The following MED12L variants were observed in gnomAD, a reference collection of about 807,000 sequenced individuals.
The protein encoded by MED12L is mediator complex subunit 12L, also known as mediator of RNA polymerase II transcription subunit 12-like protein.
Under a neutral mutation model 281.3 loss-of-function variants are expected in MED12L, and 60 were observed. The ratio of observed to expected loss-of-function variants is 0.21; its 90% confidence interval spans 0.17 to 0.26. MED12L has a LOEUF of 0.26. Ranked by LOEUF, MED12L falls within the 10% of genes least tolerant of loss-of-function variation. The pLI is 1.00. For missense variants in MED12L, 2,146 were observed against 2,680.9 expected (o/e 0.80, Z 4.41); for synonymous variants, 974 against 987.2 (o/e 0.99, Z 0.25).
intron 7 of MED12L, among the ~76,000 whole-genome samples, chr3:151,159,407 G>T (rs1455331837): frequency 6.6e-6 from 1 of 152,170 alleles, no homozygotes; most frequent in Non-Finnish European, 1.5e-5. Context: ...GAGATAGTCT[G>T]TACCTGCACT....
At chr3:151,380,597 CAAAAAAAAAA>C (rs56792030) in intron 32 of MED12L, among the ~76,000 whole-genome samples, 2 of 113,284 alleles carry the variant, frequency 1.8e-5, no homozygotes, top group Non-Finnish European at 3.7e-5. Flanking sequence ...AACTCTGTCT[CAAAAAAAAAA>C]AAAAAAAACA....
At chr3:151,356,693 A>C (rs1026194558) in intron 19 of MED12L, among the ~76,000 whole-genome samples, 1 of 151,930 alleles carries the variant, frequency 6.6e-6, no homozygotes, top group African/African-American at 2.4e-5. Flanking sequence ...ATGAAAGTTT[A>C]TTTGCTCTTT....
At chr3:151,309,244 T>A (rs974661936) in intron 16 of MED12L, among the ~76,000 whole-genome samples, 4 of 152,176 alleles carry the variant, frequency 2.6e-5, no homozygotes, top group Admixed American at 1.3e-4. Flanking sequence ...CTTAAACTAA[T>A]AGGAATATTT....
intron 16 of MED12L, chr3:151,214,293 C>T: frequency 6.2e-7 from 1 of 1,613,552 alleles, no homozygotes; most frequent in Non-Finnish European, 8.5e-7. Context: ...CATCTGGAGG[C>T]TGTGTGGAGG....
chr3:151,193,613 A>G lies in MED12L; in HGVS notation c.2197A>G (p.Asn733Asp). 2 of 1,614,110 alleles carry G rather than the reference A, an allele frequency of 1.2e-6. No homozygotes were observed. Among genetic ancestry groups the G allele is most frequent in the Non-Finnish European group, 1.7e-6 (2 of 1,179,962 alleles). The change falls in exon 16 of 45, where the codon AAT becomes GAT. Residue 733 changes from asparagine (N) to aspartate (D), a missense_variant. By Grantham distance (23) the Asn-to-Asp change is conservative. Transcript: ENST00000687756. ...GCCAAGGGAATTAATTTTTCCATCT[A>G]ATTATGACCTCCTTCGCCACTTACA... ...EKPRELIFPS[N>D]YDLLRHLQYA...
chr3:151,243,145 G>A (rs1437272986), intron 16 of MED12L, among the ~76,000 whole-genome samples: 2 of 152,084 alleles, frequency 1.3e-5, no homozygotes, highest in Non-Finnish European at 2.9e-5. Flanking sequence ...TCTGCTTGGT[G>A]TACCTGAAAG....
At chr3:151,414,547 G>A (rs193160700) in intron 42 of MED12L, among the ~76,000 whole-genome samples, 40 of 152,298 alleles carry the variant, frequency 2.6e-4, no homozygotes, top group South Asian at 1.2e-3. Flanking sequence ...GCTCCGGTGG[G>A]TTTGAGTCTG....
intron 32 of MED12L, 59 bp downstream of exon 32, chr3:151,380,283 T>G: frequency 5.0e-6 from 6 of 1,197,186 alleles, no homozygotes; most frequent in Non-Finnish European, 7.2e-6. Context: ...TTCATTTATT[T>G]GCCTTTCAAA....
At chr3:151,303,695 G>A (rs1746255736) in intron 16 of MED12L, among the ~76,000 whole-genome samples, 1 of 152,150 alleles carries the variant, frequency 6.6e-6, no homozygotes, top group African/African-American at 2.4e-5. Flanking sequence ...CCCAGGAGGC[G>A]GAAGTTGCAG....
intron 16 of MED12L, among the ~76,000 whole-genome samples, chr3:151,223,052 G>A (rs554414191): frequency 6.6e-6 from 1 of 151,882 alleles, no homozygotes; most frequent in East Asian, 1.9e-4. Context: ...ATTCTCTTTG[G>A]AAAGAAAGAG....
intron 39 of MED12L, among the ~76,000 whole-genome samples, chr3:151,403,013 T>G (rs1715872991): frequency 6.8e-6 from 1 of 147,382 alleles, no homozygotes; most frequent in Non-Finnish European, 1.5e-5. Flanking sequence ...CCTTTTTCTT[T>G]CTTTTCTTTT....
chr3:151,209,835 A>T (rs1726881374), intron 16 of MED12L, among the ~76,000 whole-genome samples: 1 of 152,166 alleles, frequency 6.6e-6, no homozygotes, highest in African/African-American at 2.4e-5. Context: ...AGAACTTCTG[A>T]ACTCTTTAGA....
At chr3:151,180,635 CTT>C (rs1313560304) in intron 11 of MED12L, among the ~76,000 whole-genome samples, 2 of 152,276 alleles carry the variant, frequency 1.3e-5, no homozygotes, top group East Asian at 3.9e-4. Flanking sequence ...CAAAAGAACT[CTT>C]TTCTTTATGT....
chr3:151,375,631 A>G (rs778806166), intron 27 of MED12L, among the ~76,000 whole-genome samples: 7 of 152,188 alleles, frequency 4.6e-5, no homozygotes, highest in Non-Finnish European at 7.3e-5. Context: ...TGTTGTATCT[A>G]GTCAGTGAGA....
At chr3:151,313,882 C>A (rs1017584898) in intron 16 of MED12L, among the ~76,000 whole-genome samples, 1 of 149,958 alleles carries the variant, frequency 6.7e-6, no homozygotes, top group Non-Finnish European at 1.5e-5. Context: ...AAAGATCACG[C>A]GACTGCACTC....
At chr3:151,377,895 A>C in intron 30 of MED12L, 117 bp from the exon 31 acceptor site, 4 of 1,019,816 alleles carry the variant, frequency 3.9e-6, no homozygotes, top group Non-Finnish European at 5.4e-6. Context: ...TAAAAGGGAA[A>C]TTTTAGAACA....
chr3:151,394,079 GTTTA>G (rs1330678010), intron 38 of MED12L, among the ~76,000 whole-genome samples: 3 of 152,192 alleles, frequency 2.0e-5, no homozygotes, highest in East Asian at 3.9e-4. Context: ...ATAGTTGCTT[GTTTA>G]TTTGATTTTT....
chr3:151,171,906 A>G (rs1721477204), intron 11 of MED12L, among the ~76,000 whole-genome samples: 1 of 152,178 alleles, frequency 6.6e-6, no homozygotes, highest in African/African-American at 2.4e-5. Context: ...CCTTATGCAC[A>G]TTATCAGCCC....
chr3:151,394,830 G>T lies in MED12L; in HGVS notation c.5783G>T (p.Arg1928Leu), dbSNP rs761647557. The T allele has an allele frequency of 3.1e-6, 5 of 1,614,030 alleles. No homozygotes were observed. The African/African-American group carries it at 5.3e-5, about 17-fold the overall frequency. Residue 1928 changes from arginine (R) to leucine (L), a missense_variant, in exon 39 of 45, where the codon CGA (arginine) becomes CTA (leucine). Transcript: ENST00000687756. Reference sequence around the variant, plus strand: ...CTTCTGCAGCAGCAGCAGCAACAGCGACTTCTCAGGCAAGCCCAGACTCGG... The same window carrying T: ...CTTCTGCAGCAGCAGCAGCAACAGCTACTTCTCAGGCAAGCCCAGACTCGG... ...MKLLQQQQQQ[R>L]LLRQAQTRPF...
Sources: allele counts gnomAD v4.1 joint callset (sites outside exome capture counted in the v4.1 genomes callset), GRCh38; gene constraint gnomAD v4.1.1; transcripts MANE v1.5; gene names NCBI Gene and HGNC (gene_info 2026-07-23, HGNC 2026-07-21).